The following C12orf75 variants were observed in gnomAD, a reference collection of about 807,000 sequenced individuals.
C12orf75 encodes overexpressed in colon carcinoma 1 protein.
C12orf75 carries 4 observed loss-of-function variants against 11.4 expected under a neutral mutation model. The ratio of observed to expected loss-of-function variants is 0.35; its 90% CI spans 0.17 to 0.80. The LOEUF is 0.80. Ranked by LOEUF, C12orf75 falls within the 30% of genes least tolerant of loss-of-function variation. The pLI is 0.52. For missense variants in C12orf75, 89 were observed against 80.4 expected, an observed-to-expected ratio of 1.11 and a Z score of -0.41; for synonymous variants, 30 against 30.0, an observed-to-expected ratio of 1.00 and a Z score of 0.00.
In C12orf75 at chr12:105,370,766, G is replaced by T. The variant is rs1871603713; in HGVS notation, c.*166G>T. ...ATCTTAAGTGTATACATAAAACCCT[G>T]GGTACATATTGTTGTGGTAATAGAA... is the stretch of plus-strand genomic sequence containing the variant. On this transcript the variant is annotated 3_prime_UTR_variant, in exon 6 of 6. Coordinates refer to ENST00000443585, the MANE Select transcript of C12orf75 (RefSeq NM_001145199.2). 4 of 456,840 alleles carry T rather than the reference G, an allele frequency of 8.8e-6. No individual in the cohort carries two copies. Among genetic ancestry groups the T allele is most frequent in the Non-Finnish European group, 1.8e-5 (4 of 226,314 alleles). 28.3% of individuals were successfully genotyped at this position (456,840 alleles called of 1,614,324 possible).
intron 1 of C12orf75, among the ~76,000 whole-genome samples, chr12:105,340,817 A>G (rs1892563501): frequency 6.6e-6 from 1 of 152,212 alleles, no homozygotes; most frequent in Non-Finnish European, 1.5e-5. Flanking sequence ...TGAGAGACAC[A>G]AGATGAGAAG....
At position 105,357,841 on chromosome 12, in the gene C12orf75, G is replaced by C. The variant is rs557454800; in HGVS notation, c.72-7966G>C. ...GAGAGAGAGAGAGAGGAGAGAGAGA[G>C]AGACAGACAGACAGACAGACAGACA... is the stretch of plus-strand genomic sequence containing the variant. On this transcript the variant is annotated intron_variant, in intron 2 of 5. Coordinates refer to ENST00000443585, the MANE Select transcript of C12orf75 (RefSeq NM_001145199.2). 3.0e-3 allele frequency among the ~76,000 whole-genome samples: 453 copies of C among 149,160 alleles called. 3 individuals carry two copies. The highest frequency in any genetic ancestry group is 0.01 in the African/African-American group (423 of 40,446).
chr12:105,345,622 T>C (rs946949110), intron 1 of C12orf75, among the ~76,000 whole-genome samples: 1 of 151,372 alleles, frequency 6.6e-6, no homozygotes, highest in Non-Finnish European at 1.5e-5. Flanking sequence ...CTCTTCCTTT[T>C]CCAGGTCTTT....
At chr12:105,364,050 GT>G (rs1392671066) in intron 2 of C12orf75, among the ~76,000 whole-genome samples, 1 of 152,190 alleles carries the variant, frequency 6.6e-6, no homozygotes, top group African/African-American at 2.4e-5. Flanking sequence ...AAACGGATAT[GT>G]AAATGGATGT....
intron 1 of C12orf75, among the ~76,000 whole-genome samples, chr12:105,331,241 G>T (rs1892418256): frequency 6.6e-6 from 1 of 151,906 alleles, no homozygotes; most frequent in Non-Finnish European, 1.5e-5. Context: ...GGGCTCTCCT[G>T]GGGGAGAGGA....
At chr12:105,354,832 C>A (rs760089397) in intron 2 of C12orf75, among the ~76,000 whole-genome samples, 7 of 152,100 alleles carry the variant, frequency 4.6e-5, no homozygotes, top group African/African-American at 7.2e-5. Context: ...TGCAGAAATA[C>A]TTGACTGCAA....
At position 105,370,976 on chromosome 12, in the gene C12orf75, T is replaced by G. The variant is rs1871609817; in HGVS notation, c.*376T>G. On this transcript the variant is annotated 3_prime_UTR_variant, in exon 6 of 6. Coordinates refer to ENST00000443585, the MANE Select transcript of C12orf75 (RefSeq NM_001145199.2). ...TGTCTTTTCACTGATACTTTTTTGATAGTTTTTATATAACAAAATCCTTAT... is the reference window on the plus strand; with the variant it reads ...TGTCTTTTCACTGATACTTTTTTGAGAGTTTTTATATAACAAAATCCTTAT... The G allele has an allele frequency of 4.7e-6, 1 of 212,574 alleles. No homozygotes were observed. Among genetic ancestry groups the G allele is most frequent in the African/African-American group, 2.3e-5 (1 of 44,278 alleles). The allele number at this position is 212,574 out of a possible 1,614,324, so 13.2% of individuals were successfully genotyped here. A position where few individuals can be genotyped will look rare whatever the true frequency, so the allele number is the denominator to read the frequency against.
At chr12:105,351,152 A>G (rs1367852630) in intron 2 of C12orf75, among the ~76,000 whole-genome samples, 1 of 152,190 alleles carries the variant, frequency 6.6e-6, no homozygotes, top group Admixed American at 6.5e-5. Context: ...TCTTGACTGT[A>G]ATATTAGGTG....
intron 1 of C12orf75, among the ~76,000 whole-genome samples, chr12:105,342,029 G>GC (rs1566136927): frequency 1.3e-5 from 2 of 152,218 alleles, no homozygotes; most frequent in Non-Finnish European, 1.5e-5. Context: ...AGTCAATTAA[G>GC]CATGTTTCCT....
At chr12:105,369,211 T>TATTTTTCAAA (rs1262369354) in intron 5 of C12orf75, among the ~76,000 whole-genome samples, 55 of 152,314 alleles carry the variant, frequency 3.6e-4, no homozygotes, top group Middle Eastern at 6.8e-3. Flanking sequence ...ATGGGAGTGT[T>TATTTTTCAAA]AGACACGATG....
chr12:105,336,949 G>T (rs1320022082), intron 1 of C12orf75, among the ~76,000 whole-genome samples: 2 of 152,194 alleles, frequency 1.3e-5, no homozygotes. Flanking sequence ...TGTCTCCCCA[G>T]AATTGATGGC....
At chr12:105,361,198 T>C (rs1292679880) in intron 2 of C12orf75, among the ~76,000 whole-genome samples, 1 of 152,172 alleles carries the variant, frequency 6.6e-6, no homozygotes, top group Non-Finnish European at 1.5e-5. Flanking sequence ...CTGGCTACTT[T>C]TATTTTATTT....
chr12:105,341,197 T>A (rs1233762587), intron 1 of C12orf75, among the ~76,000 whole-genome samples: 1 of 152,246 alleles, frequency 6.6e-6, no homozygotes, highest in Non-Finnish European at 1.5e-5. Flanking sequence ...CACAGCATGA[T>A]GCAATCTTGG....
intron 5 of C12orf75, among the ~76,000 whole-genome samples, chr12:105,367,937 T>C (rs1401110931): frequency 2.6e-5 from 4 of 152,072 alleles, no homozygotes; most frequent in African/African-American, 9.7e-5. Flanking sequence ...GTACCAGAAC[T>C]CCAGTAGAGA....
At chr12:105,344,967 C>CT (rs1252634924) in intron 1 of C12orf75, among the ~76,000 whole-genome samples, 1 of 146,174 alleles carries the variant, frequency 6.8e-6, no homozygotes, top group African/African-American at 2.5e-5. Flanking sequence ...ATTCTAAGCC[C>CT]CCCCCCAACC....
chr12:105,366,107 A>G (rs1871466487), intron 3 of C12orf75: 1 of 439,740 alleles, frequency 2.3e-6, no homozygotes, highest in African/African-American at 2.0e-5. Context: ...TCTTCTCCCT[A>G]ACTGGATGAC....
chr12:105,361,447 A>C (rs1281087025), intron 2 of C12orf75, among the ~76,000 whole-genome samples: 1 of 152,212 alleles, frequency 6.6e-6, no homozygotes, highest in Non-Finnish European at 1.5e-5. Context: ...AAAAGTGTTG[A>C]GTGATAAAAT....
At chr12:105,348,500 T>C (rs888300290) in intron 1 of C12orf75, 102 bp from the exon 2 acceptor site, 35 of 699,052 alleles carry the variant, frequency 5.0e-5, no homozygotes, top group Non-Finnish European at 5.8e-5. Context: ...TTTAAACCCA[T>C]TTTCTCTTCA....
intron 1 of C12orf75, among the ~76,000 whole-genome samples, chr12:105,341,568 C>CT (rs1258251632): frequency 6.6e-6 from 1 of 152,238 alleles, no homozygotes; most frequent in Non-Finnish European, 1.5e-5. Context: ...CAGGAGGACA[C>CT]TTTCCTCATG....
Sources: allele counts gnomAD v4.1 joint callset (sites outside exome capture counted in the v4.1 genomes callset), GRCh38; gene constraint gnomAD v4.1.1; transcripts MANE v1.5; gene names NCBI Gene and HGNC (gene_info 2026-07-23, HGNC 2026-07-21).